The following DRC1 variants were observed in gnomAD, a reference collection of about 807,000 sequenced individuals.
DRC1 encodes dynein regulatory complex protein 1.
DRC1 carries 74 observed loss-of-function variants against 98.7 expected under a neutral mutation model. The ratio of observed to expected loss-of-function variants is 0.75; its 90% CI spans 0.62 to 0.91. The LOEUF (loss-of-function observed/expected upper bound fraction) is 0.91. Among genes scored for constraint, DRC1 ranks in the 40% least tolerant of loss-of-function variants. The pLI, the probability that DRC1 is intolerant of heterozygous loss-of-function variation, is 0.00. For synonymous variants in DRC1, 336 were observed against 334.1 expected (o/e 1.01, Z -0.06); for missense variants, 875 against 886.0 (o/e 0.99, Z 0.16).
rs753664425 is a variant in DRC1, at chr2:26,450,010, G to C, written c.1524G>C (p.Glu508Asp). The C allele has an allele frequency of 1.2e-6, 2 of 1,613,844 alleles. No individual in the cohort carries two copies. Among genetic ancestry groups the C allele is most frequent in the Non-Finnish European group, 1.7e-6 (2 of 1,179,948 alleles). Residue 508 changes from glutamate to aspartate, a missense_variant, in exon 12 of 17, where the codon GAG becomes GAC. By Grantham distance (45) the Glu-to-Asp change is conservative. Coordinates refer to ENST00000288710, the MANE Select transcript of DRC1 (RefSeq NM_145038.5). ...LLCDESGFLI[E>D]SKLLSLLLPL... Reference sequence around the variant, plus strand: ...CTTCTCCCCAGGGGTTCCTCATAGAGAGCAAGCTGCTGAGCCTTCTCCTGC... The same window carrying C: ...CTTCTCCCCAGGGGTTCCTCATAGACAGCAAGCTGCTGAGCCTTCTCCTGC...
intron 8 of DRC1, among the ~76,000 whole-genome samples, chr2:26,442,284 A>G (rs1018710089): frequency 6.6e-6 from 1 of 152,204 alleles, no homozygotes; most frequent in African/African-American, 2.4e-5. Context: ...GAGGAGTTAC[A>G]TTCAAGCCGT....
intron 2 of DRC1, among the ~76,000 whole-genome samples, chr2:26,418,572 T>A (rs1166664705): frequency 1.1e-4 from 12 of 106,562 alleles, no homozygotes; most frequent in Admixed American, 1.1e-3. Flanking sequence ...ATATAATATA[T>A]ATTATATATA....
At chr2:26,440,326 T>A in intron 7 of DRC1, 52 bp from the exon 8 acceptor site, 1 of 1,482,782 alleles carries the variant, frequency 6.7e-7, no homozygotes, top group Non-Finnish European at 9.0e-7. Context: ...TGTTTGTGTG[T>A]GTGTGTGTGT....
At chr2:26,417,033 G>A (rs951896773) in intron 2 of DRC1, among the ~76,000 whole-genome samples, 9 of 152,068 alleles carry the variant, frequency 5.9e-5, no homozygotes, top group Non-Finnish European at 1.3e-4. Context: ...CAGATCTCAC[G>A]AGAACTCACT....
At position 26,432,044 on chromosome 2, in the gene DRC1, G is replaced by A. The variant is rs377586840; in HGVS notation, c.888+38G>A. On this transcript the variant is annotated intron_variant, in intron 7 of 16. Transcript: ENST00000288710. ...GTCCTCACTAGGGTGCCTGGGTGGC[G>A]GAGCAGATGGTGAACACCTGTGAAT... 569 of 1,601,882 alleles carry A rather than the reference G, an allele frequency of 3.6e-4. 6 individuals are homozygous for A. The South Asian group carries it at 5.3e-3, about 15-fold the overall frequency.
chr2:26,431,532 A>G (rs1005225510), intron 6 of DRC1, among the ~76,000 whole-genome samples: 7 of 152,316 alleles, frequency 4.6e-5, no homozygotes, highest in African/African-American at 1.7e-4. Flanking sequence ...TGAAGAACAA[A>G]TAAGTGACTT....
intron 1 of DRC1, among the ~76,000 whole-genome samples, chr2:26,405,161 G>A (rs991156003): frequency 3.9e-5 from 6 of 152,296 alleles, no homozygotes; most frequent in African/African-American, 1.4e-4. Context: ...TTACCAGCGT[G>A]CACCCTTAGC....
At chr2:26,419,559 T>C (rs1663069282) in intron 2 of DRC1, among the ~76,000 whole-genome samples, 1 of 152,182 alleles carries the variant, frequency 6.6e-6, no homozygotes, top group Non-Finnish European at 1.5e-5. Context: ...GCCCTGGATA[T>C]CTGGGTTAAA....
intron 7 of DRC1, among the ~76,000 whole-genome samples, chr2:26,437,848 G>A (rs1019732154): frequency 6.6e-6 from 1 of 151,846 alleles, no homozygotes; most frequent in Non-Finnish European, 1.5e-5. Flanking sequence ...CAGCACTTTG[G>A]GAAGTCAAGG....
chr2:26,442,952 T>A (rs977536218), intron 8 of DRC1, among the ~76,000 whole-genome samples: 1 of 152,202 alleles, frequency 6.6e-6, no homozygotes, highest in African/African-American at 2.4e-5. Flanking sequence ...ACATAGGAAC[T>A]CCTTTACTGC....
Position 26,454,817 on chromosome 2 carries a change from G to A in DRC1, c.2063+27G>A. The A allele has an allele frequency of 6.2e-7, 1 of 1,613,406 alleles. No individual in the cohort carries two copies. The highest frequency in any genetic ancestry group is 8.5e-7 in the Non-Finnish European group (1 of 1,179,588). ...TAAGTGTGCATGTCATGGAGCAGGA[G>A]GGTGCTGGCGGGCAGGTGAGGAACG... On this transcript the variant is annotated intron_variant, in intron 15 of 16. Transcript: ENST00000288710. This position sits in a 1 kb window ranked among gnomAD's most constrained non-coding sequence, Gnocchi z 5.2.
intron 10 of DRC1, chr2:26,448,346 C>A: frequency 2.0e-6 from 1 of 505,228 alleles, no homozygotes; most frequent in Non-Finnish European, 4.0e-6. Context: ...TAGATCATCT[C>A]TGAAATAAGA....
chr2:26,450,212 C>A, intron 12 of DRC1, 127 bp downstream of exon 12: 1 of 831,716 alleles, frequency 1.2e-6, no homozygotes, highest in Non-Finnish European at 1.9e-6. Context: ...CTCCCTGTCA[C>A]ATCCTTCCCT....
chr2:26,403,124 A>G (rs1212558658), intron 1 of DRC1, among the ~76,000 whole-genome samples: 1 of 152,124 alleles, frequency 6.6e-6, no homozygotes, highest in Admixed American at 6.5e-5. Flanking sequence ...ATAATAATAA[A>G]CTTTATTTTT....
At chr2:26,446,013 A>C (rs1369860975) in intron 10 of DRC1, among the ~76,000 whole-genome samples, 3 of 151,748 alleles carry the variant, frequency 2.0e-5, no homozygotes, top group Non-Finnish European at 4.4e-5. Context: ...CCAGGTGTTC[A>C]AGGCACACAT....
intron 2 of DRC1, among the ~76,000 whole-genome samples, chr2:26,415,804 C>T (rs1572356141): frequency 1.3e-5 from 2 of 152,064 alleles, no homozygotes; most frequent in Admixed American, 6.5e-5. Context: ...TGGTGGCACA[C>T]GCCTGGGGTC....
At chr2:26,450,330 C>G (rs1663969497) in intron 12 of DRC1, among the ~76,000 whole-genome samples, 1 of 152,242 alleles carries the variant, frequency 6.6e-6, no homozygotes, top group South Asian at 2.1e-4. Flanking sequence ...TTCTCCCTGA[C>G]ACCCCCAAAC....
chr2:26,419,125 G>A (rs192076948), intron 2 of DRC1, among the ~76,000 whole-genome samples: 1 of 152,004 alleles, frequency 6.6e-6, no homozygotes, highest in East Asian at 1.9e-4. Flanking sequence ...CTGGCCTCAG[G>A]TGAACCGCCC....
At chr2:26,412,492 G>A (rs1203470105) in intron 1 of DRC1, among the ~76,000 whole-genome samples, 3 of 152,192 alleles carry the variant, frequency 2.0e-5, no homozygotes. Flanking sequence ...GCAGGGTCTT[G>A]ATGATGTAAG....
Sources: gnomAD v4.1 joint callset for allele counts (sites outside exome capture counted in the v4.1 genomes callset) on GRCh38, gnomAD v4.1.1 for gene constraint, Gnocchi (gnomAD v3.1) non-coding constraint, MANE v1.5 for transcripts, NCBI Gene and HGNC (gene_info 2026-07-23, HGNC 2026-07-21) for gene names.